The following STON2 variants were observed in gnomAD, a reference collection of about 807,000 sequenced individuals.
The protein encoded by STON2 is stonin-2.
Under a neutral mutation model 65.7 loss-of-function variants are expected in STON2, and 29 were observed. The ratio of observed to expected loss-of-function variants is 0.44; its 90% confidence interval spans 0.33 to 0.60. The LOEUF (loss-of-function observed/expected upper bound fraction) is 0.60. STON2 is among the 20% of genes least tolerant of loss of function. STON2 has a pLI of 0.03. For synonymous variants in STON2, 404 were observed against 414.2 expected (o/e 0.98, Z 0.30); for missense variants, 1,054 against 1,118.1 (o/e 0.94, Z 0.82).
At position 81,395,999 on chromosome 14, in the gene STON2, G is replaced by A. The variant is rs777479836; in HGVS notation, c.268C>T (p.Gln90Ter). ...EAASPPGSPE[Q>*]PPPDLASAIS... ...GCCGAGGCCAGGTCAGGTGGGGGCT[G>A]CTCAGGGCTCCCAGGTGGGGAAGCT... The change falls in exon 3 of 8, where the codon CAG becomes TAG. Residue 90 changes from glutamine (Q) to a stop codon, truncating the protein, a stop_gained. Transcript: ENST00000614646. LOFTEE classifies it high-confidence loss of function. The A allele has an allele frequency of 1.2e-6, 2 of 1,614,190 alleles. No homozygotes were observed. Among genetic ancestry groups the A allele is most frequent in the South Asian group, 1.1e-5 (1 of 91,086 alleles).
chr14:81,389,490 G>C (rs1899976840), intron 3 of STON2, among the ~76,000 whole-genome samples: 1 of 152,206 alleles, frequency 6.6e-6, no homozygotes, highest in South Asian at 2.1e-4. Flanking sequence ...GGAAATTAAT[G>C]AACTAAGAAA....
chr14:81,378,896 T>C (rs140794875), intron 3 of STON2, among the ~76,000 whole-genome samples: 144 of 152,276 alleles, frequency 9.5e-4, no homozygotes, highest in African/African-American at 3.3e-3. Flanking sequence ...ATGGTAGTAA[T>C]TTTTAGCAAA....
At chr14:81,346,724 T>G (rs550495650) in intron 4 of STON2, among the ~76,000 whole-genome samples, 1 of 152,288 alleles carries the variant, frequency 6.6e-6, no homozygotes, top group South Asian at 2.1e-4. Context: ...TAATATCAAG[T>G]ATCTTCTCAA....
intron 4 of STON2, among the ~76,000 whole-genome samples, chr14:81,327,248 A>T (rs1349747854): frequency 6.6e-6 from 1 of 152,148 alleles, no homozygotes; most frequent in East Asian, 1.9e-4. Context: ...ATTTTTTTTT[A>T]TACTTTGTTC....
intron 4 of STON2, among the ~76,000 whole-genome samples, chr14:81,349,116 A>G (rs932298564): frequency 6.6e-6 from 1 of 152,106 alleles, no homozygotes; most frequent in Non-Finnish European, 1.5e-5. Flanking sequence ...ACTTAAACCT[A>G]ACACCCGAAA....
At chr14:81,334,873 T>C (rs1897317244) in intron 4 of STON2, among the ~76,000 whole-genome samples, 1 of 152,182 alleles carries the variant, frequency 6.6e-6, no homozygotes, top group Non-Finnish European at 1.5e-5. Context: ...AGTCTCATTC[T>C]GTCACCCAGG....
Position 81,277,377 on chromosome 14 carries a change from C to T in STON2, c.2105G>A (p.Cys702Tyr). The part of the protein sequence containing the change: ...TTTKWIKLHE[C>Y]RFHGCVDEDV... ...CTCATCCACACACCCATGGAAACGG[C>T]ACTCATGGAGCTTGATCCACTTTGT... Residue 702 changes from cysteine (C) to tyrosine (Y), a missense_variant, in exon 6 of 8, where the codon TGC becomes TAC. Physicochemically the swap from Cys to Tyr is radical, Grantham distance 194. Coordinates refer to ENST00000614646, the MANE Select transcript of STON2 (RefSeq NM_001394390.1). 6.2e-7 allele frequency: 1 copy of T among 1,614,202 alleles called. No individual in the cohort carries two copies. The highest frequency in any genetic ancestry group is 8.5e-7 in the Non-Finnish European group (1 of 1,180,044).
At chr14:81,378,396 C>G (rs529564437) in intron 3 of STON2, among the ~76,000 whole-genome samples, 2 of 151,908 alleles carry the variant, frequency 1.3e-5, no homozygotes, top group East Asian at 3.9e-4. Context: ...TTCATATTTT[C>G]ATAGAGATGG....
intron 5 of STON2, among the ~76,000 whole-genome samples, chr14:81,317,980 T>C (rs1354964191): frequency 6.6e-6 from 1 of 152,070 alleles, no homozygotes; most frequent in Non-Finnish European, 1.5e-5. Flanking sequence ...GGGGGTGTGT[T>C]TTTTAGGCGG....
intron 4 of STON2, among the ~76,000 whole-genome samples, chr14:81,351,123 A>C (rs1898005807): frequency 6.6e-6 from 1 of 151,728 alleles, no homozygotes; most frequent in Non-Finnish European, 1.5e-5. Flanking sequence ...CATTTTTCTC[A>C]ATTCTCTTTC....
chr14:81,267,157 TAAG>T lies in STON2; in HGVS notation c.*1254_*1256del. ...ATGGGAGAAAACACTAAGATACAAATAAGAAGCAGAGGTGAGTAGGAACGGATG... is the reference window on the plus strand; with the variant it reads ...ATGGGAGAAAACACTAAGATACAAATAAGCAGAGGTGAGTAGGAACGGATG... On this transcript the variant is annotated 3_prime_UTR_variant, in exon 8 of 8. Coordinates refer to ENST00000614646, the MANE Select transcript of STON2 (RefSeq NM_001394390.1). 1 of 985,300 alleles carries T rather than the reference TAAG, an allele frequency of 1.0e-6. No homozygotes were observed. Among genetic ancestry groups the T allele is most frequent in the Non-Finnish European group, 1.2e-6 (1 of 829,900 alleles). 61.0% of individuals were successfully genotyped at this position (985,300 alleles called of 1,614,324 possible). A position where few individuals can be genotyped will look rare whatever the true frequency, so the allele number is the denominator to read the frequency against.
chr14:81,283,491 C>T (rs1374569180), intron 5 of STON2, among the ~76,000 whole-genome samples: 5 of 151,098 alleles, frequency 3.3e-5, no homozygotes, highest in East Asian at 1.9e-4. Flanking sequence ...CATATAAAGG[C>T]ATACCTCGTC....
At position 81,277,637 on chromosome 14, in the gene STON2, G is replaced by C; in HGVS notation, c.1845C>G (p.Asp615Glu). The change falls in exon 6 of 8, where the codon GAC becomes GAG. Residue 615 changes from aspartate to glutamate, a missense_variant. Coordinates refer to ENST00000614646, the MANE Select transcript of STON2 (RefSeq NM_001394390.1). Reference protein sequence around the residue: ...RLMDLPVLSMDLSTVGLNYLE... With the variant: ...RLMDLPVLSMELSTVGLNYLE... ...GGTAGTTGAGGCCAACTGTGCTCAA[G>C]TCCATTGACAACACTGGCAGATCCA... 2 of 1,614,148 alleles carry C rather than the reference G, an allele frequency of 1.2e-6. No individual in the cohort carries two copies. Among genetic ancestry groups the C allele is most frequent in the Non-Finnish European group, 1.7e-6 (2 of 1,180,038 alleles).
chr14:81,332,598 C>T (rs1253769217), intron 4 of STON2, among the ~76,000 whole-genome samples: 1 of 152,154 alleles, frequency 6.6e-6, no homozygotes, highest in African/African-American at 2.4e-5. Context: ...CTGTCATCTA[C>T]AACTTTTTGC....
intron 1 of STON2, among the ~76,000 whole-genome samples, chr14:81,432,977 C>T (rs1566958041): frequency 6.6e-6 from 1 of 152,224 alleles, no homozygotes; most frequent in Non-Finnish European, 1.5e-5. Flanking sequence ...GCATCAGTAT[C>T]CCCTGAGCAC....
chr14:81,359,061 A>G (rs1815185380), intron 4 of STON2, among the ~76,000 whole-genome samples: 1 of 152,218 alleles, frequency 6.6e-6, no homozygotes, highest in South Asian at 2.1e-4. Context: ...TATACAGAAC[A>G]TTCCATCCAA....
intron 5 of STON2, among the ~76,000 whole-genome samples, chr14:81,309,845 C>CTTA (rs1408796080): frequency 6.6e-5 from 10 of 152,134 alleles, no homozygotes; most frequent in African/African-American, 2.4e-4. Context: ...GTGGTGGTAT[C>CTTA]TTATTTGAGA....
chr14:81,412,107 G>A (rs1901195006), intron 2 of STON2, among the ~76,000 whole-genome samples: 1 of 140,224 alleles, frequency 7.1e-6, no homozygotes, highest in Non-Finnish European at 1.5e-5. Flanking sequence ...AAGGTCATGA[G>A]TTTTTAGAAC....
intron 5 of STON2, among the ~76,000 whole-genome samples, chr14:81,283,758 T>C (rs1441603575): frequency 6.6e-6 from 1 of 152,132 alleles, no homozygotes; most frequent in Non-Finnish European, 1.5e-5. Flanking sequence ...CTCGATCTCC[T>C]GACCTCATGA....
Sources: gnomAD v4.1 joint callset for allele counts (sites outside exome capture counted in the v4.1 genomes callset) on GRCh38, gnomAD v4.1.1 for gene constraint, MANE v1.5 for transcripts, NCBI Gene and HGNC (gene_info 2026-07-23, HGNC 2026-07-21) for gene names.